The following ZMAT4 variants were observed in gnomAD, a reference collection of about 807,000 sequenced individuals.
ZMAT4 encodes the protein zinc finger matrin-type 4, also known as zinc finger matrin-type protein 4.
A neutral mutation model predicts 28.7 loss-of-function variants in ZMAT4; 17 were observed. That is an observed-to-expected ratio of 0.59 (90% CI 0.41 to 0.89). The LOEUF (loss-of-function observed/expected upper bound fraction) is 0.89. Ranked by LOEUF, ZMAT4 falls within the 40% of genes least tolerant of loss-of-function variation. The pLI, the probability that ZMAT4 is intolerant of heterozygous loss-of-function variation, is 0.00. For synonymous variants in ZMAT4, 117 were observed against 109.2 expected (o/e 1.07, Z -0.44); for missense variants, 240 against 283.8 (o/e 0.85, Z 1.11).
chr8:40,585,684 A>G (rs1265029597), intron 5 of ZMAT4, among the ~76,000 whole-genome samples: 1 of 152,200 alleles, frequency 6.6e-6, no homozygotes, highest in Non-Finnish European at 1.5e-5. Flanking sequence ...CCCCAAACCC[A>G]GAGGCTATAA....
chr8:40,746,564 T>C (rs551112404), intron 3 of ZMAT4, among the ~76,000 whole-genome samples: 1 of 152,112 alleles, frequency 6.6e-6, no homozygotes, highest in East Asian at 1.9e-4. Context: ...GGTTTCACCA[T>C]GCTGGCCAGG....
At chr8:40,822,952 C>T (rs1034558537) in intron 2 of ZMAT4, among the ~76,000 whole-genome samples, 7 of 152,114 alleles carry the variant, frequency 4.6e-5, no homozygotes, top group Admixed American at 2.0e-4. Context: ...TGTGCAACAG[C>T]GAGGGTACAG....
intron 5 of ZMAT4, among the ~76,000 whole-genome samples, chr8:40,662,951 C>T (rs2118861294): frequency 6.6e-6 from 1 of 152,304 alleles, no homozygotes; most frequent in Admixed American, 6.5e-5. Context: ...CTCAGCAGGC[C>T]TCTGCATGAA....
intron 5 of ZMAT4, among the ~76,000 whole-genome samples, chr8:40,657,044 A>T (rs773078692): frequency 3.9e-5 from 6 of 152,098 alleles, no homozygotes; most frequent in Non-Finnish European, 8.8e-5. Flanking sequence ...TTATTTACTT[A>T]TTTTGAGACA....
At chr8:40,633,390 C>G (rs573641816) in intron 5 of ZMAT4, among the ~76,000 whole-genome samples, 18 of 152,028 alleles carry the variant, frequency 1.2e-4, no homozygotes, top group Non-Finnish European at 2.2e-4. Flanking sequence ...GTGACACATG[C>G]GATGTGATGG....
At chr8:40,785,569 C>T (rs1376304032) in intron 2 of ZMAT4, among the ~76,000 whole-genome samples, 1 of 152,180 alleles carries the variant, frequency 6.6e-6, no homozygotes, top group African/African-American at 2.4e-5. Flanking sequence ...CTTTCTCAAA[C>T]ACATGGTCAG....
chr8:40,677,756 C>A (rs1808971481), intron 4 of ZMAT4, among the ~76,000 whole-genome samples: 1 of 152,262 alleles, frequency 6.6e-6, no homozygotes, highest in Non-Finnish European at 1.5e-5. Context: ...CAAAGATTAT[C>A]TTTTGGTTTA....
chr8:40,662,210 T>A (rs1050243048), intron 5 of ZMAT4, among the ~76,000 whole-genome samples: 1 of 152,028 alleles, frequency 6.6e-6, no homozygotes, highest in Non-Finnish European at 1.5e-5. Context: ...CGAATTCCCG[T>A]GCTCAAGCAA....
At chr8:40,714,851 C>A (rs1425048104) in intron 3 of ZMAT4, among the ~76,000 whole-genome samples, 1 of 151,934 alleles carries the variant, frequency 6.6e-6, no homozygotes, top group Admixed American at 6.6e-5. Context: ...GATATTGAGA[C>A]CATCCTGGCC....
At chr8:40,851,688 T>A (rs565543121) in intron 1 of ZMAT4, among the ~76,000 whole-genome samples, 2 of 152,216 alleles carry the variant, frequency 1.3e-5, no homozygotes, top group Non-Finnish European at 2.9e-5. Context: ...ATCAGGGTAA[T>A]TACCATACAT....
intron 5 of ZMAT4, among the ~76,000 whole-genome samples, chr8:40,649,406 A>T (rs1807521271): frequency 6.6e-6 from 1 of 152,224 alleles, no homozygotes; most frequent in African/African-American, 2.4e-5. Flanking sequence ...CCAATACAAG[A>T]GCACCAAGAT....
chr8:40,676,372 G>A (rs4737163), intron 4 of ZMAT4, among the ~76,000 whole-genome samples: 99,927 of 152,014 alleles, frequency 0.66, 33,528 homozygotes, highest in African/African-American at 0.76. Flanking sequence ...GAAGAAATCA[G>A]TATGTAAATT....
intron 2 of ZMAT4, among the ~76,000 whole-genome samples, chr8:40,774,340 T>G (rs117949381): frequency 6.6e-6 from 1 of 152,140 alleles, no homozygotes; most frequent in Admixed American, 6.5e-5. Context: ...TCCCATCAAA[T>G]TGGCAAGGAT....
chr8:40,659,743 C>T (rs781433934), intron 5 of ZMAT4, among the ~76,000 whole-genome samples: 7 of 152,126 alleles, frequency 4.6e-5, no homozygotes, highest in East Asian at 1.9e-4. Flanking sequence ...CCAACACCTT[C>T]GTTTCTGAGA....
At chr8:40,856,606 A>G (rs537100540) in intron 1 of ZMAT4, among the ~76,000 whole-genome samples, 14 of 152,228 alleles carry the variant, frequency 9.2e-5, no homozygotes, top group Non-Finnish European at 1.8e-4. Context: ...GCATAAAGCC[A>G]GGAGACATCA....
At chr8:40,775,199 C>T (rs1813541046) in intron 2 of ZMAT4, among the ~76,000 whole-genome samples, 1 of 152,146 alleles carries the variant, frequency 6.6e-6, no homozygotes, top group Non-Finnish European at 1.5e-5. Context: ...AACCCAAGAC[C>T]CTTGAAGAAT....
chr8:40,846,110 A>T (rs1353408487), intron 1 of ZMAT4, among the ~76,000 whole-genome samples: 1 of 152,234 alleles, frequency 6.6e-6, no homozygotes, highest in Non-Finnish European at 1.5e-5. Context: ...CAAACCAGCC[A>T]GCCCCAGCTG....
intron 6 of ZMAT4, among the ~76,000 whole-genome samples, chr8:40,540,642 G>T (rs1802999079): frequency 6.6e-6 from 1 of 152,162 alleles, no homozygotes; most frequent in Non-Finnish European, 1.5e-5. Context: ...CCCCAAATTT[G>T]TAGCCAATTG....
chr8:40,850,510 G>GC (rs1032165284), intron 1 of ZMAT4, among the ~76,000 whole-genome samples: 1 of 152,186 alleles, frequency 6.6e-6, no homozygotes, highest in African/African-American at 2.4e-5. Context: ...TCTAACTTCC[G>GC]CCCCCCAAAA....
Sources: gnomAD v4.1 joint callset for allele counts (sites outside exome capture counted in the v4.1 genomes callset) on GRCh38, gnomAD v4.1.1 for gene constraint, MANE v1.5 for transcripts, NCBI Gene and HGNC (gene_info 2026-07-23, HGNC 2026-07-21) for gene names.